Variants in ZNF69 observed in about 807,000 individuals in gnomAD.
ZNF69 encodes the protein zinc finger protein 69.
A neutral mutation model predicts 50.9 loss-of-function variants in ZNF69; 47 were observed. That is an observed-to-expected ratio of 0.92 (90% confidence interval 0.73 to 1.18). ZNF69 has a LOEUF of 1.18. Among genes scored for constraint, ZNF69 ranks in the 50% most tolerant of loss-of-function variants. ZNF69 has a pLI of 0.00. For missense variants in ZNF69, 717 were observed against 675.1 expected (o/e 1.06, Z -0.69); for synonymous variants, 216 against 223.1 (o/e 0.97, Z 0.29).
downstream of ZNF69, among the ~76,000 whole-genome samples, chr19:11,915,780 T>G (rs1369593891): frequency 8.5e-5 from 13 of 152,194 alleles, no homozygotes. Context: ...GGCTCACGCC[T>G]GTAATCCCAG....
chr19:11,949,403 A>G, the ZNF69 span: 1 of 1,613,492 alleles, frequency 6.2e-7, no homozygotes, highest in Non-Finnish European at 8.5e-7. Context: ...TCTACCTCAC[A>G]CCTTCGAGTG....
intron 4 of ZNF69, among the ~76,000 whole-genome samples, chr19:11,912,207 A>T (rs1718727199): frequency 6.6e-6 from 1 of 151,620 alleles, no homozygotes. Flanking sequence ...TGAATGTAAG[A>T]AATGTGGGAA....
the ZNF69 span, among the ~76,000 whole-genome samples, chr19:11,975,458 C>T: frequency 0.057 from 8,527 of 149,626 alleles, 761 homozygotes; most frequent in African/African-American, 0.19. Context: ...ACTGCAGTGG[C>T]GCAATCTCGG....
rs1976990943 is a variant in ZNF69, at chr19:11,888,093, G to A, written c.63+107G>A. On this transcript the variant is annotated intron_variant, in intron 1 of 3. Transcript: ENST00000429654. ...TTTCCTGCGGGCGACTTTGGGATCT[G>A]GGACCGAGTCCTCCTGGAGCCGCTC... The A allele has an allele frequency of 7.3e-6, 8 of 1,098,944 alleles. No individual in the cohort carries two copies. The South Asian group carries it at 9.7e-5, about 13-fold the overall frequency. 68.1% of individuals were successfully genotyped at this position (1,098,944 alleles called of 1,614,324 possible).
At chr19:11,977,474 T>C in the ZNF69 span, 1 of 1,597,924 alleles carries the variant, frequency 6.3e-7, no homozygotes, top group Non-Finnish European at 8.6e-7. Flanking sequence ...TAGATGATTT[T>C]AGTATATGAT....
downstream of ZNF69, among the ~76,000 whole-genome samples, chr19:11,911,002 A>T (rs1343699575): frequency 6.6e-6 from 1 of 152,208 alleles, no homozygotes; most frequent in Non-Finnish European, 1.5e-5. Context: ...CCCGTCAAAA[A>T]GTGGGCAAAG....
At chr19:11,948,485 A>AT in the ZNF69 span, 1 of 1,614,130 alleles carries the variant, frequency 6.2e-7, no homozygotes, top group Non-Finnish European at 8.5e-7. Flanking sequence ...CACAAGGCAT[A>AT]TGAGTATCAG....
At chr19:11,896,152 G>GCCA (rs1977221627) in intron 1 of ZNF69, among the ~76,000 whole-genome samples, 2 of 148,362 alleles carry the variant, frequency 1.3e-5, no homozygotes, top group Admixed American at 1.3e-4. Context: ...CTGGGAGATG[G>GCCA]AGGTTGCAGT....
chr19:11,939,319 G>T, the ZNF69 span, among the ~76,000 whole-genome samples: 1 of 152,132 alleles, frequency 6.6e-6, no homozygotes, highest in South Asian at 2.1e-4. Context: ...TGTCTGAATG[G>T]TATTGCCTAG....
chr19:11,916,086 T>C (rs1568285072), downstream of ZNF69, among the ~76,000 whole-genome samples: 7 of 152,178 alleles, frequency 4.6e-5, no homozygotes, highest in Admixed American at 2.6e-4. Flanking sequence ...CTGCAAGTGA[T>C]AGTTTTTGTC....
the ZNF69 span, among the ~76,000 whole-genome samples, chr19:11,958,819 C>G: frequency 6.6e-6 from 1 of 152,178 alleles, no homozygotes; most frequent in Admixed American, 6.5e-5. Flanking sequence ...TTTATAGAAT[C>G]TTGCTACCAT....
chr19:11,905,307 T>C lies in ZNF69; in HGVS notation c.910T>C (p.Tyr304His). 1 of 1,614,076 alleles carries C rather than the reference T, an allele frequency of 6.2e-7. No individual in the cohort carries two copies. The highest frequency in any genetic ancestry group is 1.3e-5 in the African/African-American group (1 of 75,008). Residue 304 changes from tyrosine (Y) to histidine (H), a missense_variant, in exon 4 of 4, where the codon TAT becomes CAT. By Grantham distance (83) the Tyr-to-His change is moderately conservative. Transcript: ENST00000429654. ...HERIHTGEKA[Y>H]QCKECGKAFT... ...AAGGATTCACACGGGAGAGAAGGCTTATCAATGTAAGGAATGTGGAAAAGC... is the reference window on the plus strand; with the variant it reads ...AAGGATTCACACGGGAGAGAAGGCTCATCAATGTAAGGAATGTGGAAAAGC...
At chr19:11,978,215 G>A in the ZNF69 span, 34 of 1,613,784 alleles carry the variant, frequency 2.1e-5, no homozygotes, top group East Asian at 3.3e-4. Flanking sequence ...TCCAGGAGAA[G>A]AAAGCTTCTC....
chr19:11,911,603 A>G (rs1455139711), downstream of ZNF69, among the ~76,000 whole-genome samples: 1 of 152,168 alleles, frequency 6.6e-6, no homozygotes, highest in African/African-American at 2.4e-5. Context: ...ATTCTCACTC[A>G]TAGGAGAGAA....
the ZNF69 span, chr19:11,977,508 A>C: frequency 6.6e-7 from 1 of 1,525,604 alleles, no homozygotes; most frequent in Non-Finnish European, 9.0e-7. Flanking sequence ...GAAGTAAAAC[A>C]AAGAACTAAG....
chr19:11,917,110 T>G (rs1339649049), downstream of ZNF69, among the ~76,000 whole-genome samples: 9 of 152,176 alleles, frequency 5.9e-5, no homozygotes, highest in Admixed American at 1.3e-4. Context: ...GGCTTTGACT[T>G]GCATCTGCCA....
At chr19:11,932,787 G>A in the ZNF69 span, among the ~76,000 whole-genome samples, 7 of 146,918 alleles carry the variant, frequency 4.8e-5, no homozygotes, top group African/African-American at 1.3e-4. Context: ...ACAGGCACCC[G>A]CCACCCCGTC....
At chr19:11,911,685 G>T (rs972828037), downstream of ZNF69, among the ~76,000 whole-genome samples, 1 of 152,086 alleles carries the variant, frequency 6.6e-6, no homozygotes, top group Non-Finnish European at 1.5e-5. Context: ...GGTAGGGGGA[G>T]GGGAGAGATA....
At chr19:11,933,280 G>A in the ZNF69 span, among the ~76,000 whole-genome samples, 2 of 147,966 alleles carry the variant, frequency 1.4e-5, no homozygotes, top group Admixed American at 6.6e-5. Flanking sequence ...TTAAACCAAG[G>A]AAACCATATT....
Sources: gnomAD v4.1 joint callset for allele counts (sites outside exome capture counted in the v4.1 genomes callset) on GRCh38, gnomAD v4.1.1 for gene constraint, MANE v1.5 for transcripts, NCBI Gene and HGNC (gene_info 2026-07-23, HGNC 2026-07-21) for gene names.